ESR1: variants seen among roughly 807,000 people sequenced by gnomAD.
ESR1 encodes the protein estrogen receptor 1.
In ESR1, 12 loss-of-function variants were observed where a neutral mutation model predicts 52.7. The observed-to-expected ratio is 0.23, with a 90% CI of 0.15 to 0.37. The LOEUF (loss-of-function observed/expected upper bound fraction) is 0.37. Among genes scored for constraint, ESR1 ranks in the 10% least tolerant of loss-of-function variants. The pLI is 1.00. For missense variants in ESR1, 584 were observed against 779.7 expected (o/e 0.75, Z 2.99); for synonymous variants, 305 against 316.8 (o/e 0.96, Z 0.39).
chr6:151,815,412 C>T (rs1779454869), intron 1 of ESR1, among the ~76,000 whole-genome samples: 1 of 152,156 alleles, frequency 6.6e-6, no homozygotes. Flanking sequence ...TGCTGTATTT[C>T]CCTCAAGCTC....
chr6:151,831,317 T>A (rs188237285), intron 1 of ESR1, among the ~76,000 whole-genome samples: 5 of 152,146 alleles, frequency 3.3e-5, no homozygotes, highest in Non-Finnish European at 5.9e-5. Flanking sequence ...TGTTTAAATT[T>A]TTTGTAGAGT....
chr6:151,894,444 G>T (rs183418484), intron 3 of ESR1, among the ~76,000 whole-genome samples: 1 of 151,892 alleles, frequency 6.6e-6, no homozygotes, highest in South Asian at 2.1e-4. Flanking sequence ...TTGGGTTTTT[G>T]GTCATAAAAT....
At chr6:152,108,932 C>A (rs180942742) in intron 6 of ESR1, among the ~76,000 whole-genome samples, 1 of 152,152 alleles carries the variant, frequency 6.6e-6, no homozygotes, top group Non-Finnish European at 1.5e-5. Context: ...AATTGGCTTA[C>A]GGTTCTGCAG....
At chr6:151,801,525 T>C (rs1177467977), upstream of ESR1, among the ~76,000 whole-genome samples, 2 of 152,174 alleles carry the variant, frequency 1.3e-5, no homozygotes. Context: ...AGCCAGGAAA[T>C]GGGATCTGAG....
chr6:151,945,765 C>G (rs905797646), intron 4 of ESR1, among the ~76,000 whole-genome samples: 1 of 152,154 alleles, frequency 6.6e-6, no homozygotes, highest in African/African-American at 2.4e-5. Context: ...TTTCAAGGGT[C>G]ACTGCTCTGT....
chr6:152,031,897 T>TA (rs1156946617), intron 5 of ESR1, among the ~76,000 whole-genome samples: 2 of 152,100 alleles, frequency 1.3e-5, no homozygotes, highest in African/African-American at 4.8e-5. Flanking sequence ...CTGAGTAAAA[T>TA]ACTGGCAAAC....
At chr6:151,696,543 T>C (rs1291746975) in intron 1 of ESR1, among the ~76,000 whole-genome samples, 5 of 151,812 alleles carry the variant, frequency 3.3e-5, no homozygotes, top group East Asian at 1.9e-4. Context: ...GGTGCATAGA[T>C]GGGGTTGTTC....
At chr6:151,851,774 C>T (rs1271298918) in intron 2 of ESR1, among the ~76,000 whole-genome samples, 1 of 152,218 alleles carries the variant, frequency 6.6e-6, no homozygotes, top group South Asian at 2.1e-4. Flanking sequence ...GTGATCTACC[C>T]GCCTTGGCCT....
chr6:151,982,703 C>G (rs1023867549), intron 4 of ESR1, among the ~76,000 whole-genome samples: 1 of 151,562 alleles, frequency 6.6e-6, no homozygotes, highest in Non-Finnish European at 1.5e-5. Context: ...CCAGGATGGT[C>G]GTTAATTTTA....
intron 6 of ESR1, among the ~76,000 whole-genome samples, chr6:152,116,704 T>G (rs2051214419): frequency 6.6e-6 from 1 of 151,716 alleles, no homozygotes. Context: ...TATACTATAT[T>G]ATTAGTTATA....
intron 4 of ESR1, among the ~76,000 whole-genome samples, chr6:151,968,774 T>A (rs1285469880): frequency 6.6e-6 from 1 of 152,080 alleles, no homozygotes; most frequent in Non-Finnish European, 1.5e-5. Flanking sequence ...ATGGAGCATT[T>A]CCTCTCGCAG....
At chr6:151,832,748 CTGTG>C (rs1782648232) in intron 1 of ESR1, among the ~76,000 whole-genome samples, 1 of 152,148 alleles carries the variant, frequency 6.6e-6, no homozygotes, top group South Asian at 2.1e-4. Context: ...TTATGTGTCT[CTGTG>C]TGTGGGTGTT....
In ESR1 at chr6:151,934,650, T is replaced by A. The variant is rs190324654; in HGVS notation, c.761-9523T>A. Reference sequence around the variant, plus strand: ...TAGCCTGTCCGCTCCATGTGCAGAATAATAGCCTATTTTATTACATCTGAT... The same window carrying A: ...TAGCCTGTCCGCTCCATGTGCAGAAAAATAGCCTATTTTATTACATCTGAT... On this transcript the variant is annotated intron_variant, in intron 3 of 7. Coordinates refer to ENST00000206249, the MANE Select transcript of ESR1 (RefSeq NM_000125.4). Among the ~76,000 whole-genome samples the A allele has an allele frequency of 5.5e-4, 84 of 152,314 alleles. 1 individual carries two copies. Among genetic ancestry groups the A allele is most frequent in the African/African-American group, 1.9e-3 (79 of 41,572 alleles).
At chr6:151,901,598 G>A (rs1371486739) in intron 3 of ESR1, among the ~76,000 whole-genome samples, 1 of 152,210 alleles carries the variant, frequency 6.6e-6, no homozygotes, top group Non-Finnish European at 1.5e-5. Context: ...GACCCAGAGA[G>A]CCCACAGGGC....
At chr6:152,010,099 AAG>A (rs2042642354) in intron 4 of ESR1, among the ~76,000 whole-genome samples, 1 of 152,154 alleles carries the variant, frequency 6.6e-6, no homozygotes, top group Non-Finnish European at 1.5e-5. Context: ...AAATGATGGT[AAG>A]AGAGAGGGCC....
At chr6:151,882,498 T>C (rs923450197) in intron 3 of ESR1, among the ~76,000 whole-genome samples, 1 of 152,228 alleles carries the variant, frequency 6.6e-6, no homozygotes, top group Non-Finnish European at 1.5e-5. Flanking sequence ...GGAGAATTAG[T>C]CAGGCTTAAT....
At chr6:151,735,562 T>C (rs1161159047) in intron 2 of ESR1, among the ~76,000 whole-genome samples, 1 of 152,052 alleles carries the variant, frequency 6.6e-6, no homozygotes, top group Non-Finnish European at 1.5e-5. Context: ...GTTGTTTGTT[T>C]TTGTTTTTTT....
chr6:151,704,888 T>A (rs1780065381), intron 2 of ESR1, among the ~76,000 whole-genome samples: 1 of 151,638 alleles, frequency 6.6e-6, no homozygotes, highest in Admixed American at 6.6e-5. Flanking sequence ...AAGGTCTTGG[T>A]CCCTGTAAAT....
At chr6:152,003,490 GA>G (rs2128750577) in intron 4 of ESR1, among the ~76,000 whole-genome samples, 1 of 151,962 alleles carries the variant, frequency 6.6e-6, no homozygotes, top group Non-Finnish European at 1.5e-5. Context: ...AAGTAGGAGT[GA>G]GGCAATCATT....
Sources: allele counts gnomAD v4.1 joint callset (sites outside exome capture counted in the v4.1 genomes callset), GRCh38; gene constraint gnomAD v4.1.1; transcripts MANE v1.5; gene names NCBI Gene and HGNC (gene_info 2026-07-23, HGNC 2026-07-21).